The following SUGT1 variants were observed in gnomAD, a reference collection of about 807,000 sequenced individuals.
SUGT1 encodes SGT1 assembly cochaperone of MIS12 kinetochore complex, also known as protein SGT1 homolog.
In SUGT1, 15 loss-of-function variants were observed where a neutral mutation model predicts 56.1. The observed-to-expected ratio is 0.27, with a 90% CI of 0.18 to 0.41. The LOEUF is 0.41. Among genes scored for constraint, SUGT1 ranks in the 10% least tolerant of loss-of-function variants. SUGT1 has a pLI of 1.00. For missense variants in SUGT1, 347 were observed against 382.2 expected (o/e 0.91, Z 0.77); for synonymous variants, 123 against 128.6 (o/e 0.96, Z 0.30).
chr13:52,663,312 A>G (rs1364626901), intron 7 of SUGT1, among the ~76,000 whole-genome samples, 200 bp downstream of exon 7: 1 of 152,166 alleles, frequency 6.6e-6, no homozygotes, highest in Non-Finnish European at 1.5e-5. Flanking sequence ...TTATTGGCCT[A>G]TTTTAATGAA....
chr13:52,686,182 C>A (rs572393787), intron 12 of SUGT1, among the ~76,000 whole-genome samples: 1 of 152,110 alleles, frequency 6.6e-6, no homozygotes, highest in African/African-American at 2.4e-5. Flanking sequence ...CCCGCCTCAG[C>A]CTCCCAAAAT....
At chr13:52,681,960 A>C (rs561841885) in intron 12 of SUGT1, among the ~76,000 whole-genome samples, 1 of 117,314 alleles carries the variant, frequency 8.5e-6, no homozygotes, top group East Asian at 2.5e-4. Flanking sequence ...GATGATCACA[A>C]ATCTGGCAAT....
chr13:52,663,902 AT>A (rs1594235856), intron 7 of SUGT1, 132 bp from the exon 8 acceptor site: 1 of 876,192 alleles, frequency 1.1e-6, no homozygotes. Flanking sequence ...GAAAATTTTC[AT>A]GTAGTTATTT....
rs1963795504 is a variant in SUGT1 at position 52,692,084 on chromosome 13, C to T, written c.*4249C>T. On this transcript the variant is annotated 3_prime_UTR_variant, in exon 13 of 13. Transcript: ENST00000310528. The stretch of plus-strand genomic sequence containing the variant: ...ATATACAATGAATGCTGACTCATTA[C>T]TGCAAATAGTGGTAGTTACTGTGTA... 1 of 152,176 alleles carries T rather than the reference C, an allele frequency of 6.6e-6. No individual in the cohort carries two copies. Among genetic ancestry groups the T allele is most frequent in the Non-Finnish European group, 1.5e-5 (1 of 68,044 alleles). 9.4% of individuals were successfully genotyped at this position (152,176 alleles called of 1,614,324 possible).
rs1296178737 is a variant in SUGT1, at chr13:52,666,805, T to C, written c.520-7T>C. On this transcript the variant is annotated splice_polypyrimidine_tract_variant and splice_region_variant and intron_variant, in intron 9 of 12. Transcript: ENST00000310528. ...ACAAAATGTGATGCTAATTTTGTGTTCATTAGTTGTCTGCTTTGGTTAAAC... is the reference window on the plus strand; with the variant it reads ...ACAAAATGTGATGCTAATTTTGTGTCCATTAGTTGTCTGCTTTGGTTAAAC... 1.3e-6 allele frequency: 2 copies of C among 1,599,318 alleles called. No homozygotes were observed. The highest frequency in any genetic ancestry group is 2.7e-5 in the African/African-American group (2 of 74,560).
intron 5 of SUGT1, among the ~76,000 whole-genome samples, chr13:52,660,285 C>CT (rs1962381185): frequency 2.0e-5 from 3 of 152,052 alleles, no homozygotes; most frequent in Admixed American, 2.0e-4. Context: ...TAACTGGAAA[C>CT]GGTTTTGCTT....
At chr13:52,678,698 AGAG>A (rs1963249696) in intron 11 of SUGT1, among the ~76,000 whole-genome samples, 1 of 145,766 alleles carries the variant, frequency 6.9e-6, no homozygotes, top group South Asian at 2.2e-4. Context: ...TTTTTTTTTA[AGAG>A]AGAGTCTTGC....
intron 7 of SUGT1, among the ~76,000 whole-genome samples, chr13:52,663,588 C>G (rs945033763): frequency 1.4e-4 from 22 of 152,140 alleles, no homozygotes; most frequent in Non-Finnish European, 8.8e-5. Context: ...CCCACCTCAG[C>G]CTTCCAAGTA....
At chr13:52,670,852 G>A in intron 10 of SUGT1, among the ~76,000 whole-genome samples, 1 of 152,116 alleles carries the variant, frequency 6.6e-6, no homozygotes, top group East Asian at 1.9e-4. Flanking sequence ...GTCTTTTGGG[G>A]TGAATTTGCC....
In SUGT1 at chr13:52,700,541, G is replaced by A. The variant is rs1429522401; in HGVS notation, c.*12706G>A. ...ACACCTATATATGCATATAGTATAT[G>A]AGCATGTGTATTTGTACAAAAGCCC... On this transcript the variant is annotated 3_prime_UTR_variant, in exon 13 of 13. Coordinates refer to ENST00000310528, the MANE Select transcript of SUGT1 (RefSeq NM_006704.5). The A allele has an allele frequency of 6.6e-6, 1 of 152,090 alleles. No individual in the cohort carries two copies. The highest frequency in any genetic ancestry group is 1.5e-5 in the Non-Finnish European group (1 of 68,004). The allele number at this position is 152,090 out of a possible 1,614,324, so 9.4% of individuals were successfully genotyped here.
intron 12 of SUGT1, among the ~76,000 whole-genome samples, chr13:52,682,503 C>CAT: frequency 6.6e-6 from 1 of 152,220 alleles, no homozygotes; most frequent in East Asian, 1.9e-4. Flanking sequence ...ACCTGGCCTA[C>CAT]ATATTACATT....
chr13:52,681,038 A>G (rs1050407963), intron 12 of SUGT1, among the ~76,000 whole-genome samples: 2 of 152,100 alleles, frequency 1.3e-5, no homozygotes, highest in Non-Finnish European at 2.9e-5. Flanking sequence ...GGGTTGCGCC[A>G]CGTTGCCCAG....
At chr13:52,664,834 G>A (rs192295805) in intron 8 of SUGT1, among the ~76,000 whole-genome samples, 156 of 152,258 alleles carry the variant, frequency 1.0e-3, no homozygotes, top group Admixed American at 1.6e-3. Flanking sequence ...GGTGTTCAGA[G>A]CATAAAATAA....
At chr13:52,658,058 T>G (rs1962249436) in intron 3 of SUGT1, 1 of 1,191,378 alleles carries the variant, frequency 8.4e-7, no homozygotes, top group South Asian at 1.7e-5. Context: ...CACCTGTATT[T>G]AAAAAGTAAT....
chr13:52,661,438 A>G (rs2138118201), intron 5 of SUGT1: 1 of 272,106 alleles, frequency 3.7e-6, no homozygotes, highest in African/African-American at 2.4e-5. Flanking sequence ...GACTACAGGC[A>G]TGCACCACCA....
intron 12 of SUGT1, among the ~76,000 whole-genome samples, chr13:52,680,398 A>G (rs1963324739): frequency 6.6e-6 from 1 of 152,218 alleles, no homozygotes; most frequent in South Asian, 2.1e-4. Context: ...TTAGATTGAT[A>G]TGGAGTCATC....
chr13:52,690,037 T>C lies in SUGT1; in HGVS notation c.*2202T>C, dbSNP rs1169796310. On this transcript the variant is annotated 3_prime_UTR_variant, in exon 13 of 13. Transcript: ENST00000310528. ...GTTTTAAAGGATATATTATCTAGAA[T>C]ATGCTTACCCATTGGCTAGATTTGC... is the stretch of plus-strand genomic sequence containing the variant. The C allele has an allele frequency of 6.6e-6, 1 of 152,190 alleles. No homozygotes were observed. Among genetic ancestry groups the C allele is most frequent in the Non-Finnish European group, 1.5e-5 (1 of 68,030 alleles). 9.4% of individuals were successfully genotyped at this position (152,190 alleles called of 1,614,324 possible).
chr13:52,673,391 T>C (rs1327951031), intron 10 of SUGT1, among the ~76,000 whole-genome samples: 2 of 152,128 alleles, frequency 1.3e-5, no homozygotes, highest in African/African-American at 2.4e-5. Flanking sequence ...GGATTACACG[T>C]GTGAGCCAAC....
chr13:52,671,465 AGAATAGGTGTTTT>A (rs1175051477), intron 10 of SUGT1, among the ~76,000 whole-genome samples: 2 of 152,134 alleles, frequency 1.3e-5, no homozygotes, highest in African/African-American at 4.8e-5. Context: ...GTGGAGAATA[AGAATAGGTGTTTT>A]GACTGTTTTA....
Sources: allele counts gnomAD v4.1 joint callset (sites outside exome capture counted in the v4.1 genomes callset), GRCh38; gene constraint gnomAD v4.1.1; transcripts MANE v1.5; gene names NCBI Gene and HGNC (gene_info 2026-07-23, HGNC 2026-07-21).